FAM111A: variants seen among roughly 807,000 people sequenced by gnomAD.
FAM111A encodes the protein FAM111 trypsin like peptidase A, also known as serine protease FAM111A.
A neutral mutation model predicts 3.3 loss-of-function variants in FAM111A; 8 were observed. The observed-to-expected ratio is 2.39, with a 90% confidence interval of 1.40 to 4.32. FAM111A has a LOEUF of 4.32. Ranked by LOEUF, FAM111A falls within the 30% of genes most tolerant of loss-of-function variation. The pLI, the probability that FAM111A is intolerant of heterozygous loss-of-function variation, is 0.00. For synonymous variants in FAM111A, 227 were observed against 243.1 expected (o/e 0.93, Z 0.62); for missense variants, 683 against 727.6 (o/e 0.94, Z 0.71).
In FAM111A at chr11:59,153,407, C is replaced by T; in HGVS notation, c.1739C>T (p.Ser580Phe). 1 of 1,613,938 alleles carries T rather than the reference C, an allele frequency of 6.2e-7. No homozygotes were observed. The stretch of plus-strand genomic sequence containing the variant: ...ATTGAGTTTGGCTCTACCATGGAAT[C>T]CATCCTCCTTGATATTAAGCAAAGA... ...SIIEFGSTME[S>F]ILLDIKQRHK... The change falls in exon 6 of 6, where the codon TCC becomes TTC. Residue 580 changes from serine to phenylalanine, a missense_variant. By Grantham distance (155) the Ser-to-Phe change is radical. Coordinates refer to ENST00000675163, the MANE Select transcript of FAM111A (RefSeq NM_001312909.2).
In FAM111A at chr11:59,153,403, G is replaced by A; in HGVS notation, c.1735G>A (p.Glu579Lys). 1 of 1,614,046 alleles carries A rather than the reference G, an allele frequency of 6.2e-7. No homozygotes were observed. The highest frequency in any genetic ancestry group is 1.6e-4 in the Middle Eastern group (1 of 6,062). ...TATCATTGAGTTTGGCTCTACCATG[G>A]AATCCATCCTCCTTGATATTAAGCA... is the stretch of plus-strand genomic sequence containing the variant. ...RSIIEFGSTMESILLDIKQRH... is the reference protein window; with the variant it reads ...RSIIEFGSTMKSILLDIKQRH... Residue 579 changes from glutamate (E) to lysine (K), a missense_variant, in exon 6 of 6, where the codon GAA (glutamate) becomes AAA (lysine). By Grantham distance (56) the Glu-to-Lys change is moderately conservative (BLOSUM62 1). Around this residue, in one of 3 missense-constraint regions of FAM111A, gnomAD observed 122 missense variants for 110.9 expected, o/e 1.10. Coordinates refer to ENST00000675163, the MANE Select transcript of FAM111A (RefSeq NM_001312909.2).
chr11:59,150,566 T>C (rs1451992085), intron 5 of FAM111A, among the ~76,000 whole-genome samples: 1 of 152,124 alleles, frequency 6.6e-6, no homozygotes, highest in African/African-American at 2.4e-5. Flanking sequence ...TTTCACTGAG[T>C]TTCTACTATT....
intron 3 of FAM111A, chr11:59,145,525 T>A (rs1860742631): frequency 6.6e-6 from 1 of 152,230 alleles, no homozygotes; most frequent in Admixed American, 6.5e-5. Flanking sequence ...CTGAAAACAA[T>A]GTAGGGAGAC....
Position 59,152,194 on chromosome 11 carries a change from A to G in FAM111A, c.526A>G (p.Lys176Glu). 2 of 1,614,192 alleles carry G rather than the reference A, an allele frequency of 1.2e-6. No individual in the cohort carries two copies. The highest frequency in any genetic ancestry group is 1.7e-6 in the Non-Finnish European group (2 of 1,180,034). The change falls in exon 6 of 6, where the codon AAA (lysine) becomes GAA (glutamate). Residue 176 changes from lysine to glutamate, a missense_variant. This residue lies in a region of FAM111A where 557 missense variants were observed against 600.2 expected (regional missense o/e 0.93). Coordinates refer to ENST00000675163, the MANE Select transcript of FAM111A (RefSeq NM_001312909.2). ...TAACCACATATTTGGCAGGCAGGAC[A>G]AAGCATCGACTGAATGTGTCAAATT... is the stretch of plus-strand genomic sequence containing the variant. ...EDNHIFGRQDKASTECVKFYI... is the reference protein window; with the variant it reads ...EDNHIFGRQDEASTECVKFYI...
At chr11:59,143,737 A>G (rs763257845) in intron 3 of FAM111A, 42 bp downstream of exon 3, 1 of 152,260 alleles carries the variant, frequency 6.6e-6, no homozygotes, top group Non-Finnish European at 1.5e-5. Flanking sequence ...CTACACTCAC[A>G]TAGCTTGCCA....
chr11:59,151,703 A>G (rs1861677093), intron 5 of FAM111A, 47 bp from the exon 6 acceptor site: 2 of 1,385,624 alleles, frequency 1.4e-6, no homozygotes, highest in Non-Finnish European at 9.8e-7. Flanking sequence ...GAAACAAAAG[A>G]CTCGGGTTGC....
At chr11:59,144,681 G>T (rs1301432091) in intron 3 of FAM111A, 1 of 152,272 alleles carries the variant, frequency 6.6e-6, no homozygotes, top group South Asian at 2.1e-4. Context: ...AGCTACCTGA[G>T]GTTTAGGCCG....
intron 4 of FAM111A, among the ~76,000 whole-genome samples, chr11:59,147,020 T>C (rs1861012377): frequency 6.6e-6 from 1 of 151,976 alleles, no homozygotes. Context: ...AATCATCTAG[T>C]AAAATAAAAG....
chr11:59,144,658 T>C (rs1266627822), intron 3 of FAM111A: 1 of 152,258 alleles, frequency 6.6e-6, no homozygotes, highest in Non-Finnish European at 1.5e-5. Flanking sequence ...CAGCGTCAAG[T>C]ACTGCACGCT....
At chr11:59,145,272 A>C (rs1013937394) in intron 3 of FAM111A, 2 of 151,494 alleles carry the variant, frequency 1.3e-5, no homozygotes, top group African/African-American at 4.9e-5. Context: ...GGAAAGGGAG[A>C]GAGGCAGAGA....
rs1555018380 is a variant in FAM111A, at chr11:59,151,738, A to G, written c.82-12A>G. The G allele has an allele frequency of 6.4e-7, 1 of 1,553,894 alleles. No homozygotes were observed. The highest frequency in any genetic ancestry group is 8.7e-7 in the Non-Finnish European group (1 of 1,153,856). ...CATTCAGAGTTTTAAAGTATCTAACATTTATTTTTAGGTCTCTAAAGAGCA... is the reference window on the plus strand; with the variant it reads ...CATTCAGAGTTTTAAAGTATCTAACGTTTATTTTTAGGTCTCTAAAGAGCA... On this transcript the variant is annotated splice_polypyrimidine_tract_variant and intron_variant, in intron 5 of 5. Coordinates refer to ENST00000675163, the MANE Select transcript of FAM111A (RefSeq NM_001312909.2).
intron 1 of FAM111A, 60 bp from the exon 2 acceptor site, chr11:59,143,023 T>G (rs1489614876): frequency 2.6e-5 from 4 of 151,678 alleles, no homozygotes; most frequent in African/African-American, 9.7e-5. Flanking sequence ...TGTGGGTGGG[T>G]AGGGTAGGCG....
intron 4 of FAM111A, among the ~76,000 whole-genome samples, chr11:59,147,159 A>G (rs1861034738): frequency 6.6e-6 from 1 of 152,218 alleles, no homozygotes; most frequent in Non-Finnish European, 1.5e-5. Flanking sequence ...ATGGCAGACT[A>G]GCAACCCAAA....
At chr11:59,145,692 C>G (rs926926155) in intron 3 of FAM111A, 135 bp from the exon 4 acceptor site, 9 of 152,110 alleles carry the variant, frequency 5.9e-5, no homozygotes, top group African/African-American at 2.2e-4. Flanking sequence ...TCTCAAACTT[C>G]GTAAGATGAG....
chr11:59,150,295 T>TTTTA (rs1245438503), intron 5 of FAM111A, among the ~76,000 whole-genome samples: 2 of 152,208 alleles, frequency 1.3e-5, no homozygotes, highest in African/African-American at 4.8e-5. Flanking sequence ...CTTAAGTCCC[T>TTTTA]TTTATTTATT....
chr11:59,153,035 T>A lies in FAM111A; in HGVS notation c.1367T>A (p.Leu456Gln). The change falls in exon 6 of 6, where the codon CTA (leucine) becomes CAA (glutamine). Residue 456 changes from leucine to glutamine, a missense_variant. Around this residue, in one of 3 missense-constraint regions of FAM111A, gnomAD observed 557 missense variants for 600.2 expected, o/e 0.93. Transcript: ENST00000675163. ...KENGQQVPME[L>Q]YNGITPVPLS... Reference sequence around the variant, plus strand: ...AATGGACAACAAGTACCTATGGAACTATATAATGGAATTACTCCTGTGCCA... The same window carrying A: ...AATGGACAACAAGTACCTATGGAACAATATAATGGAATTACTCCTGTGCCA... 6.2e-7 allele frequency: 1 copy of A among 1,614,166 alleles called. No individual in the cohort carries two copies. Among genetic ancestry groups the A allele is most frequent in the South Asian group, 1.1e-5 (1 of 91,082 alleles).
At position 59,152,764 on chromosome 11, in the gene FAM111A, A is replaced by C; in HGVS notation, c.1096A>C (p.Thr366Pro). The C allele has an allele frequency of 6.2e-7, 1 of 1,614,220 alleles. No individual in the cohort carries two copies. Among genetic ancestry groups the C allele is most frequent in the East Asian group, 2.2e-5 (1 of 44,884 alleles). Reference sequence around the variant, plus strand: ...TGGGTACTTATTCTGGGACAGTGCAACTACGGGTTACGCCACCTGCTTTGT... The same window carrying C: ...TGGGTACTTATTCTGGGACAGTGCACCTACGGGTTACGCCACCTGCTTTGT... ...SVGYLFWDSA[T>P]TGYATCFVFK... Residue 366 changes from threonine to proline, a missense_variant, in exon 6 of 6, where the codon ACT (threonine) becomes CCT (proline). Thr to Pro is a conservative substitution (Grantham distance 38). Transcript: ENST00000675163.
intron 4 of FAM111A, 199 bp from the exon 5 acceptor site, chr11:59,148,598 T>C (rs1861241268): frequency 8.2e-6 from 3 of 365,448 alleles, no homozygotes; most frequent in Non-Finnish European, 1.5e-5. Context: ...TTTCATAAAG[T>C]GTTTAGTATA....
chr11:59,143,434 T>C (rs182867934), intron 2 of FAM111A, 63 bp from the exon 3 acceptor site: 3 of 152,306 alleles, frequency 2.0e-5, no homozygotes, highest in Admixed American at 2.0e-4. Context: ...AAAGGGGCAC[T>C]GACGCTCTCC....
Sources: allele counts gnomAD v4.1 joint callset (sites outside exome capture counted in the v4.1 genomes callset), GRCh38; gene constraint gnomAD v4.1.1; regional missense constraint gnomAD v4.1.1; transcripts MANE v1.5; gene names NCBI Gene and HGNC (gene_info 2026-07-23, HGNC 2026-07-21).